The following MFSD6 variants were observed in gnomAD, a reference collection of about 807,000 sequenced individuals.
MFSD6 encodes the protein major facilitator superfamily domain-containing protein 6.
A neutral mutation model predicts 56.3 loss-of-function variants in MFSD6; 26 were observed. The observed-to-expected ratio is 0.46, with a 90% CI of 0.34 to 0.64. The LOEUF (loss-of-function observed/expected upper bound fraction) is 0.64. Ranked by LOEUF, MFSD6 falls within the 30% of genes least tolerant of loss-of-function variation. The pLI is 0.01. For missense variants in MFSD6, 750 were observed against 986.2 expected (o/e 0.76, Z 3.21); for synonymous variants, 331 against 366.9 (o/e 0.90, Z 1.12).
intron 4 of MFSD6, among the ~76,000 whole-genome samples, chr2:190,486,923 T>A (rs1156841011): frequency 6.6e-6 from 1 of 152,240 alleles, no homozygotes; most frequent in Non-Finnish European, 1.5e-5. Context: ...AGTTACTACA[T>A]AATAAGATAA....
intron 4 of MFSD6, among the ~76,000 whole-genome samples, chr2:190,481,130 G>A (rs189947594): frequency 2.6e-5 from 4 of 152,262 alleles, no homozygotes; most frequent in Admixed American, 6.5e-5. Flanking sequence ...AACACTGGGC[G>A]TGTAGTATAA....
rs1689273428 is a variant in MFSD6 at position 190,490,417 on chromosome 2, G to A, written c.1891+551G>A. Reference sequence around the variant, plus strand: ...TCTCTACTAAAAATATAAAAAATTAGCCGGGCACGGTGGTGGGCGCCTGTA... The same window carrying A: ...TCTCTACTAAAAATATAAAAAATTAACCGGGCACGGTGGTGGGCGCCTGTA... On this transcript the variant is annotated intron_variant, in intron 6 of 7. Transcript: ENST00000392328. This position sits in a 1 kb window ranked among gnomAD's most constrained non-coding sequence, Gnocchi z 4.5. Among the ~76,000 whole-genome samples the A allele has an allele frequency of 6.6e-6, 1 of 152,060 alleles. No homozygotes were observed. The highest frequency in any genetic ancestry group is 2.4e-5 in the African/African-American group (1 of 41,424).
chr2:190,496,658 ATGTGTGTG>A lies in MFSD6; in HGVS notation c.1892-779_1892-772del, dbSNP rs759651534. Among the ~76,000 whole-genome samples, 6 of 151,794 alleles carry A rather than the reference ATGTGTGTG, an allele frequency of 4.0e-5. No homozygotes were observed. Among genetic ancestry groups the A allele is most frequent in the African/African-American group, 1.5e-4 (6 of 41,174 alleles). ...TGTGTATATATATGTATATGTGTAT[ATGTGTGTG>A]TATGTGTGTGTGTATATACACACAC... On this transcript the variant is annotated intron_variant, in intron 6 of 7. Coordinates refer to ENST00000392328, the MANE Select transcript of MFSD6 (RefSeq NM_017694.4). The surrounding 1 kb of genome is among the most constrained non-coding windows in gnomAD (Gnocchi z 4.7).
chr2:190,480,445 T>C (rs993404152), intron 4 of MFSD6, among the ~76,000 whole-genome samples: 1 of 152,226 alleles, frequency 6.6e-6, no homozygotes, highest in Non-Finnish European at 1.5e-5. Context: ...CAAAAACTTA[T>C]TAAGTATCTG....
At position 190,418,242 on chromosome 2, in the gene MFSD6, G is replaced by A. The variant is rs1269768235; in HGVS notation, c.-54+2829G>A. On this transcript the variant is annotated intron_variant, in intron 2 of 7. Transcript: ENST00000392328. This position sits in a 1 kb window ranked among gnomAD's most constrained non-coding sequence, Gnocchi z 4.1. ...GGAAAGGAATCATTTCCACCCCAGA[G>A]AACTGTTGTGAGTATTAAATGAGTT... Among the ~76,000 whole-genome samples the A allele has an allele frequency of 6.6e-6, 1 of 152,142 alleles. No homozygotes were observed. The highest frequency in any genetic ancestry group is 2.4e-5 in the African/African-American group (1 of 41,422).
At position 190,456,344 on chromosome 2, in the gene MFSD6, A is replaced by C. The variant is rs540857001; in HGVS notation, c.1533-13414A>C. Among the ~76,000 whole-genome samples, 2 of 152,304 alleles carry C rather than the reference A, an allele frequency of 1.3e-5. No individual in the cohort carries two copies. The highest frequency in any genetic ancestry group is 4.1e-4 in the South Asian group (2 of 4,828). ...TGGGAACTGCATTGACTTCAGTCTG[A>C]GTGCTAGTGAATGTTCAGGAATGAC... is the stretch of plus-strand genomic sequence containing the variant. On this transcript the variant is annotated intron_variant, in intron 3 of 7. Transcript: ENST00000392328. The surrounding 1 kb of genome is among the most constrained non-coding windows in gnomAD (Gnocchi z 5.4).
chr2:190,483,345 G>A, intron 4 of MFSD6, among the ~76,000 whole-genome samples: 1 of 152,052 alleles, frequency 6.6e-6, no homozygotes, highest in Admixed American at 6.6e-5. Context: ...TCTGAACTTG[G>A]ACACCTTGGG....
rs1685765027 is a variant in MFSD6 at position 190,425,674 on chromosome 2, C to T, written c.-54+10261C>T. Among the ~76,000 whole-genome samples the T allele has an allele frequency of 6.6e-6, 1 of 152,116 alleles. No homozygotes were observed. Among genetic ancestry groups the T allele is most frequent in the African/African-American group, 2.4e-5 (1 of 41,404 alleles). Reference sequence around the variant, plus strand: ...ATTGACTGACTTTGAAATATTGCATCAGCCTTGTATTTTTGGAATCAACCA... The same window carrying T: ...ATTGACTGACTTTGAAATATTGCATTAGCCTTGTATTTTTGGAATCAACCA... On this transcript the variant is annotated intron_variant, in intron 2 of 7. Coordinates refer to ENST00000392328, the MANE Select transcript of MFSD6 (RefSeq NM_017694.4). The surrounding 1 kb of genome is among the most constrained non-coding windows in gnomAD (Gnocchi z 4.3).
rs1214205910 is a variant in MFSD6, at chr2:190,456,013, T to C, written c.1533-13745T>C. 7.6e-6 allele frequency among the ~76,000 whole-genome samples: 1 copy of C among 131,648 alleles called. No homozygotes were observed. The highest frequency in any genetic ancestry group is 2.8e-5 in the African/African-American group (1 of 35,768). 86.4% of individuals were successfully genotyped at this position (131,648 alleles called of 152,430 possible). On this transcript the variant is annotated intron_variant, in intron 3 of 7. Transcript: ENST00000392328. The surrounding 1 kb of genome is among the most constrained non-coding windows in gnomAD (Gnocchi z 5.4). ...TGAAGTGCAGCGGCATGATCTCGGC[T>C]CACTGCAACCTCTGCCTCCTGGGTT... is the stretch of plus-strand genomic sequence containing the variant.
chr2:190,408,089 G>T (rs550874663), upstream of MFSD6, among the ~76,000 whole-genome samples: 139 of 152,116 alleles, frequency 9.1e-4, no homozygotes, highest in Admixed American at 2.0e-3. Context: ...CGGGCTGGAG[G>T]CCGGGAGCGG....
At position 190,417,135 on chromosome 2, in the gene MFSD6, G is replaced by A. The variant is rs551447159; in HGVS notation, c.-54+1722G>A. ...GAACAATCTCTAGAAGTAGAGGAAG[G>A]AGTGAGGAAAATGTTTCAAGTGTAT... is the stretch of plus-strand genomic sequence containing the variant. On this transcript the variant is annotated intron_variant, in intron 2 of 7. Coordinates refer to ENST00000392328, the MANE Select transcript of MFSD6 (RefSeq NM_017694.4). The surrounding 1 kb of genome is among the most constrained non-coding windows in gnomAD (Gnocchi z 5.7). 1.3e-5 allele frequency among the ~76,000 whole-genome samples: 2 copies of A among 152,148 alleles called. No individual in the cohort carries two copies. The highest frequency in any genetic ancestry group is 4.2e-4 in the South Asian group (2 of 4,814).
At chr2:190,444,667 C>T (rs1686506622) in intron 3 of MFSD6, among the ~76,000 whole-genome samples, 1 of 152,100 alleles carries the variant, frequency 6.6e-6, no homozygotes, top group Admixed American at 6.5e-5. Flanking sequence ...AGAAAACAAA[C>T]ATAAAGCCAC....
At position 190,465,554 on chromosome 2, in the gene MFSD6, T is replaced by TA. The variant is rs1453223239; in HGVS notation, c.1533-4198dup. On this transcript the variant is annotated intron_variant, in intron 3 of 7. Coordinates refer to ENST00000392328, the MANE Select transcript of MFSD6 (RefSeq NM_017694.4). The surrounding 1 kb of genome is among the most constrained non-coding windows in gnomAD (Gnocchi z 4.6). ...CCTGAACATATGCTCATATTCAGCA[T>TA]AAAAAAGAATTTGATTGTCTAGAAA... is the stretch of plus-strand genomic sequence containing the variant. Among the ~76,000 whole-genome samples, 1 of 152,172 alleles carries TA rather than the reference T, an allele frequency of 6.6e-6. No individual in the cohort carries two copies. Among genetic ancestry groups the TA allele is most frequent in the Non-Finnish European group, 1.5e-5 (1 of 68,022 alleles).
At position 190,411,222 on chromosome 2, in the gene MFSD6, C is replaced by T. The variant is rs1690552612; in HGVS notation, c.-176+2719C>T. 10 of 746,438 alleles carry T rather than the reference C, an allele frequency of 1.3e-5. No individual in the cohort carries two copies. The South Asian group carries it at 2.5e-4, about 18-fold the overall frequency. The allele number at this position is 746,438 out of a possible 1,614,324, so 46.2% of individuals were successfully genotyped here. On this transcript the variant is annotated intron_variant, in intron 1 of 7. Coordinates refer to ENST00000392328, the MANE Select transcript of MFSD6 (RefSeq NM_017694.4). ...GTCACCAGGCTGGAGTGCAGTGGCT[C>T]GATCTCGGCCTACTGCAACCTCTGC...
At position 190,456,474 on chromosome 2, in the gene MFSD6, G is replaced by A. The variant is rs1687045283; in HGVS notation, c.1533-13284G>A. On this transcript the variant is annotated intron_variant, in intron 3 of 7. Transcript: ENST00000392328. The surrounding 1 kb of genome is among the most constrained non-coding windows in gnomAD (Gnocchi z 5.4). ...CAGGAATTGAGGAATGGAAAAGATC[G>A]GGGCTCCTTTCAACCCGCTGGTGAT... is the stretch of plus-strand genomic sequence containing the variant. 6.6e-6 allele frequency among the ~76,000 whole-genome samples: 1 copy of A among 152,110 alleles called. No homozygotes were observed. Among genetic ancestry groups the A allele is most frequent in the South Asian group, 2.1e-4 (1 of 4,826 alleles).
At chr2:190,427,986 C>T (rs1370968872) in intron 2 of MFSD6, among the ~76,000 whole-genome samples, 1 of 152,220 alleles carries the variant, frequency 6.6e-6, no homozygotes, top group African/African-American at 2.4e-5. Flanking sequence ...CTTGCCTCAG[C>T]CTCCCAAAGT....
chr2:190,445,390 A>T (rs1365664438), intron 3 of MFSD6, among the ~76,000 whole-genome samples: 1 of 152,014 alleles, frequency 6.6e-6, no homozygotes, highest in Non-Finnish European at 1.5e-5. Context: ...TCACATGCTA[A>T]AAGTAGGACT....
In MFSD6 at chr2:190,488,728, A is replaced by T; in HGVS notation, c.1702A>T (p.Thr568Ser). ...LSAAVPPELR[T>S]SAQGILQGLH... ...TGCAGCCGTTCCCCCTGAGCTGAGG[A>T]CATCTGCTCAGGGCATCCTGCAGGG... Residue 568 changes from threonine (T) to serine (S), a missense_variant, in exon 5 of 8, where the codon ACA (threonine) becomes TCA (serine). Thr to Ser is a moderately conservative substitution (Grantham distance 58). Transcript: ENST00000392328. The surrounding 1 kb of genome is among the most constrained non-coding windows in gnomAD (Gnocchi z 6.4). 6.2e-7 allele frequency: 1 copy of T among 1,609,648 alleles called. No homozygotes were observed. Among genetic ancestry groups the T allele is most frequent in the Non-Finnish European group, 8.5e-7 (1 of 1,178,054 alleles).
intron 2 of MFSD6, among the ~76,000 whole-genome samples, chr2:190,430,180 C>A (rs536703423): frequency 1.3e-5 from 2 of 151,040 alleles, no homozygotes; most frequent in East Asian, 3.9e-4. Context: ...ATGAACGCAT[C>A]CTTTTTATGG....
Sources: gnomAD v4.1 joint callset for allele counts (sites outside exome capture counted in the v4.1 genomes callset) on GRCh38, gnomAD v4.1.1 for gene constraint, Gnocchi (gnomAD v3.1) non-coding constraint, MANE v1.5 for transcripts, NCBI Gene and HGNC (gene_info 2026-07-23, HGNC 2026-07-21) for gene names.